The following ATM variants were observed in gnomAD, a reference collection of about 807,000 sequenced individuals.
ATM encodes the protein ATM serine/threonine kinase.
Under a neutral mutation model 387.0 loss-of-function variants are expected in ATM, and 308 were observed. The observed-to-expected ratio is 0.80, with a 90% CI of 0.73 to 0.87. The LOEUF (loss-of-function observed/expected upper bound fraction) is 0.87. Among genes scored for constraint, ATM ranks in the 40% least tolerant of loss-of-function variants. The pLI is 0.00. For synonymous variants in ATM, 1,156 were observed against 1,187.3 expected (o/e 0.97, Z 0.54); for missense variants, 3,312 against 3,560.9 (o/e 0.93, Z 1.78).
At chr11:108,327,160 G>A (rs1591139138) in intron 47 of ATM, among the ~76,000 whole-genome samples, 2 of 152,248 alleles carry the variant, frequency 1.3e-5, no homozygotes, top group East Asian at 1.9e-4. Context: ...GGCACTCATT[G>A]TATAGCATCT....
chr11:108,259,406 A>C (rs1306759442), intron 16 of ATM, among the ~76,000 whole-genome samples: 3 of 152,152 alleles, frequency 2.0e-5, no homozygotes, highest in Non-Finnish European at 4.4e-5. Flanking sequence ...GAATTGCTTG[A>C]ACCTGGGAGG....
chr11:108,243,073 T>C (rs2079646573), intron 5 of ATM, among the ~76,000 whole-genome samples: 1 of 151,636 alleles, frequency 6.6e-6, no homozygotes, highest in South Asian at 2.1e-4. Flanking sequence ...TACCAATCAG[T>C]TGGGTGTGGT....
rs2136425012 is a variant in ATM, at chr11:108,329,247, G to C, written c.7307+9G>C. The C allele has an allele frequency of 6.2e-7, 1 of 1,602,076 alleles. No homozygotes were observed. On this transcript the variant is annotated intron_variant, in intron 49 of 62. Coordinates refer to ENST00000675843, the MANE Select transcript of ATM (RefSeq NM_000051.4). ...AAAATTCAGACAAACAGGTAACTAG[G>C]TTTCTACAAGTGACAATTTTATGTT...
intron 22 of ATM, among the ~76,000 whole-genome samples, chr11:108,275,288 C>G (rs1189766753): frequency 6.6e-6 from 1 of 152,154 alleles, no homozygotes; most frequent in Non-Finnish European, 1.5e-5. Flanking sequence ...GAATACAGCA[C>G]ACTGATGGGT....
intron 5 of ATM, among the ~76,000 whole-genome samples, chr11:108,240,514 C>T (rs868002361): frequency 7.9e-5 from 12 of 152,154 alleles, no homozygotes; most frequent in Middle Eastern, 3.2e-3. Context: ...TATAACACTA[C>T]GCACCTAAGC....
chr11:108,249,219 C>A (rs2135298694), intron 9 of ATM, 117 bp downstream of exon 9: 1 of 1,176,498 alleles, frequency 8.5e-7, no homozygotes, highest in East Asian at 2.4e-5. Context: ...TGTCTACCCC[C>A]AAACCTATTA....
intron 1 of ATM, 179 bp downstream of exon 1, chr11:108,223,365 A>G (rs2078583829): frequency 1.3e-5 from 2 of 152,624 alleles, no homozygotes; most frequent in Admixed American, 1.3e-4. Flanking sequence ...GACTTGGCCA[A>G]TAACCTCCTC....
intron 4 of ATM, among the ~76,000 whole-genome samples, chr11:108,232,125 A>T (rs1333910639): frequency 6.6e-6 from 1 of 152,282 alleles, no homozygotes; most frequent in African/African-American, 2.4e-5. Flanking sequence ...TAATTGCAAC[A>T]TTAACAATGG....
rs3212321 is a variant in ATM, at chr11:108,315,926, T to C, written c.6095+15T>C. 3,898 of 1,608,674 alleles carry C rather than the reference T, an allele frequency of 2.4e-3. 92 individuals carry two copies. The African/African-American group carries it at 0.044, about 18-fold the overall frequency. On this transcript the variant is annotated intron_variant, in intron 41 of 62. Coordinates refer to ENST00000675843, the MANE Select transcript of ATM (RefSeq NM_000051.4). ...CCCATTACTAGGTAAATTGCATTTT[T>C]CTAAACAACGGTATAGTAATTCTGT...
In ATM at chr11:108,320,361, A is replaced by G. The variant is rs4988091; in HGVS notation, c.6452+303A>G. On this transcript the variant is annotated intron_variant, in intron 44 of 62. Transcript: ENST00000675843. ...CTCTTTTGGTAATTGTATGGCATTT[A>G]GTGTTCTAATTTATAAAATTGTAAC... Among the ~76,000 whole-genome samples the G allele has an allele frequency of 6.8e-3, 1,041 of 152,272 alleles. 16 individuals are homozygous for G. Among genetic ancestry groups the G allele is most frequent in the African/African-American group, 0.023 (963 of 41,536 alleles).
intron 56 of ATM, chr11:108,336,249 G>A (rs2086839349): frequency 2.8e-6 from 1 of 352,028 alleles, no homozygotes; most frequent in African/African-American, 2.1e-5. Flanking sequence ...AGGCTGCAGT[G>A]AGCTCAAACT....
chr11:108,342,366 C>T (rs950892753), intron 56 of ATM, among the ~76,000 whole-genome samples: 7 of 152,162 alleles, frequency 4.6e-5, no homozygotes, highest in African/African-American at 1.7e-4. Context: ...TAAATATGCT[C>T]ACATAGTTAG....
intron 16 of ATM, 139 bp downstream of exon 16, chr11:108,259,214 G>T: frequency 1.0e-5 from 8 of 791,260 alleles, no homozygotes; most frequent in Non-Finnish European, 1.7e-5. Context: ...TTAAGGCCAG[G>T]TGCGGTGGCT....
intron 61 of ATM, among the ~76,000 whole-genome samples, chr11:108,364,414 C>T (rs753210317): frequency 6.6e-6 from 1 of 152,112 alleles, no homozygotes; most frequent in African/African-American, 2.4e-5. Context: ...CTAAAATTTA[C>T]GACCTAAAGC....
At chr11:108,315,635 G>A (rs1269383040) in intron 40 of ATM, among the ~76,000 whole-genome samples, 188 bp from the exon 41 acceptor site, 1 of 151,912 alleles carries the variant, frequency 6.6e-6, no homozygotes, top group Non-Finnish European at 1.5e-5. Context: ...AAGTTGTCCT[G>A]CACAGTTCAA....
At chr11:108,306,492 T>C (rs754914052) in intron 37 of ATM, among the ~76,000 whole-genome samples, 5 of 152,250 alleles carry the variant, frequency 3.3e-5, no homozygotes, top group Non-Finnish European at 7.3e-5. Flanking sequence ...AATCATTGTT[T>C]ATGATAATCT....
intron 46 of ATM, 21 bp from the exon 47 acceptor site, chr11:108,326,037 C>A: frequency 6.2e-7 from 1 of 1,611,926 alleles, no homozygotes. Context: ...TATTTATTCC[C>A]ATATGTCATT....
intron 61 of ATM, among the ~76,000 whole-genome samples, chr11:108,360,338 T>A (rs1349534887): frequency 6.6e-6 from 1 of 151,816 alleles, no homozygotes; most frequent in African/African-American, 2.4e-5. Flanking sequence ...CAGGACCAGA[T>A]GGATTCACAG....
chr11:108,342,686 T>C (rs2087737416), intron 56 of ATM, among the ~76,000 whole-genome samples: 1 of 152,214 alleles, frequency 6.6e-6, no homozygotes, highest in Non-Finnish European at 1.5e-5. Context: ...TGTATGTTTA[T>C]AATATAATTT....
Sources: allele counts gnomAD v4.1 joint callset (sites outside exome capture counted in the v4.1 genomes callset), GRCh38; gene constraint gnomAD v4.1.1; transcripts MANE v1.5; gene names NCBI Gene and HGNC (gene_info 2026-07-23, HGNC 2026-07-21).